The following CARNMT1 variants were observed in gnomAD, a reference collection of about 807,000 sequenced individuals.
CARNMT1 encodes the protein carnosine N-methyltransferase 1, also known as protein-L-histidine N-pros-methyltransferase CARNMT1.
CARNMT1 carries 28 observed loss-of-function variants against 49.6 expected under a neutral mutation model. The ratio of observed to expected loss-of-function variants is 0.56; its 90% confidence interval spans 0.42 to 0.77. The LOEUF (loss-of-function observed/expected upper bound fraction) is 0.77. Ranked by LOEUF, CARNMT1 falls within the 30% of genes least tolerant of loss-of-function variation. The probability of loss-of-function intolerance (pLI) is 0.00; values close to 1 mark genes in which losing one functional copy is unlikely to be tolerated. For synonymous variants in CARNMT1, 178 were observed against 175.0 expected (o/e 1.02, Z -0.13); for missense variants, 421 against 512.6 (o/e 0.82, Z 1.73).
At chr9:75,006,296 C>T (rs1397237588) in intron 3 of CARNMT1, among the ~76,000 whole-genome samples, 2 of 152,148 alleles carry the variant, frequency 1.3e-5, no homozygotes, top group African/African-American at 2.4e-5. Flanking sequence ...AAGTGATCCA[C>T]CCACCTCAGC....
intron 5 of CARNMT1, 28 bp downstream of exon 5, chr9:74,998,570 A>G (rs1564095767): frequency 1.3e-6 from 2 of 1,500,740 alleles, no homozygotes; most frequent in Non-Finnish European, 1.8e-6. Context: ...AAAGGACAAG[A>G]CTTTTTAAAC....
chr9:75,007,602 G>A (rs368136723), intron 3 of CARNMT1, among the ~76,000 whole-genome samples: 21 of 151,770 alleles, frequency 1.4e-4, no homozygotes, highest in East Asian at 7.8e-4. Context: ...GGTGTTGGGC[G>A]CCTGTAATCC....
At chr9:75,016,474 C>T (rs1043682312) in intron 2 of CARNMT1, 43 bp from the exon 3 acceptor site, 1 of 1,590,928 alleles carries the variant, frequency 6.3e-7, no homozygotes, top group East Asian at 2.2e-5. Context: ...AGAGAGTAAT[C>T]CACTTATATT....
intron 1 of CARNMT1, among the ~76,000 whole-genome samples, chr9:75,025,843 G>C (rs1052974074): frequency 5.3e-5 from 8 of 152,222 alleles, no homozygotes; most frequent in African/African-American, 1.7e-4. Context: ...CAGTACAGCA[G>C]ACTCTAGCCA....
intron 3 of CARNMT1, among the ~76,000 whole-genome samples, chr9:75,002,976 A>G (rs997230957): frequency 3.4e-4 from 52 of 152,120 alleles, no homozygotes; most frequent in African/African-American, 1.2e-3. Flanking sequence ...GGGCTCAAGT[A>G]ACCTACCCAC....
intron 3 of CARNMT1, 65 bp downstream of exon 3, chr9:75,016,203 T>C (rs1587298745): frequency 8.0e-7 from 1 of 1,252,812 alleles, no homozygotes; most frequent in East Asian, 2.3e-5. Context: ...CTGTGAAACA[T>C]TTTATCAAGA....
chr9:75,005,506 G>A (rs1010520955), intron 3 of CARNMT1, among the ~76,000 whole-genome samples: 6 of 139,650 alleles, frequency 4.3e-5, no homozygotes, highest in African/African-American at 8.1e-5. Flanking sequence ...ACGGAGTCTC[G>A]CTGTCACCCA....
chr9:75,016,488 G>A, intron 2 of CARNMT1, 57 bp from the exon 3 acceptor site: 1 of 1,550,384 alleles, frequency 6.5e-7, no homozygotes, highest in South Asian at 1.1e-5. Flanking sequence ...TTATATTATG[G>A]TTAAATAGAC....
At chr9:75,002,178 T>C (rs1833378273) in intron 3 of CARNMT1, among the ~76,000 whole-genome samples, 1 of 152,198 alleles carries the variant, frequency 6.6e-6, no homozygotes, top group Admixed American at 6.5e-5. Context: ...AGGCCATAGA[T>C]CACACTTCCA....
Position 74,983,579 on chromosome 9 carries a change from C to T in CARNMT1, c.*188G>A. 1 of 449,908 alleles carries T rather than the reference C, an allele frequency of 2.2e-6. No individual in the cohort carries two copies. The highest frequency in any genetic ancestry group is 2.0e-5 in the African/African-American group (1 of 50,528). 27.9% of individuals were successfully genotyped at this position (449,908 alleles called of 1,614,324 possible). A position where few individuals can be genotyped will look rare whatever the true frequency, so the allele number is the denominator to read the frequency against. On this transcript the variant is annotated 3_prime_UTR_variant, in exon 8 of 8. Transcript: ENST00000376834. ...ACTTGTGTAGTACAAATCTGCATGGCATAGTATATTTCTGAAAAAGCAATA... is the reference window on the plus strand; with the variant it reads ...ACTTGTGTAGTACAAATCTGCATGGTATAGTATATTTCTGAAAAAGCAATA...
In CARNMT1 at chr9:75,017,455, C is replaced by T. The variant is rs1431341775; in HGVS notation, c.231-7G>A. On this transcript the variant is annotated splice_region_variant and splice_polypyrimidine_tract_variant and intron_variant, in intron 1 of 7. Coordinates refer to ENST00000376834, the MANE Select transcript of CARNMT1 (RefSeq NM_152420.3). ...CCGCTCATGCATACTGGTGCTAAAA[C>T]ATAAAAGGTGTTTTTTAAATTCACA... 2 of 1,605,498 alleles carry T rather than the reference C, an allele frequency of 1.2e-6. No individual in the cohort carries two copies. Among genetic ancestry groups the T allele is most frequent in the East Asian group, 4.5e-5 (2 of 44,766 alleles).
intron 6 of CARNMT1, among the ~76,000 whole-genome samples, chr9:74,990,955 C>T (rs1423234987): frequency 6.6e-6 from 1 of 152,056 alleles, no homozygotes; most frequent in Non-Finnish European, 1.5e-5. Context: ...ACACCTAAAA[C>T]ATAAAGATTG....
At chr9:75,009,070 T>G in intron 3 of CARNMT1, among the ~76,000 whole-genome samples, 1 of 150,836 alleles carries the variant, frequency 6.6e-6, no homozygotes, top group South Asian at 2.1e-4. Flanking sequence ...CTTTTTTTTT[T>G]TTTTTTTTTT....
intron 3 of CARNMT1, among the ~76,000 whole-genome samples, chr9:75,007,751 A>AAAAAAAAC (rs1833558343): frequency 6.6e-6 from 1 of 150,618 alleles, no homozygotes; most frequent in African/African-American, 2.4e-5. Context: ...ATAATAAAAA[A>AAAAAAAAC]AAAAAAACTA....
intron 5 of CARNMT1, 92 bp downstream of exon 5, chr9:74,998,506 A>G: frequency 1.9e-6 from 2 of 1,059,472 alleles, no homozygotes; most frequent in Non-Finnish European, 2.6e-6. Flanking sequence ...CTACCATCAA[A>G]ATGAATGATC....
At chr9:74,998,068 G>A (rs1833244623) in intron 5 of CARNMT1, among the ~76,000 whole-genome samples, 1 of 152,104 alleles carries the variant, frequency 6.6e-6, no homozygotes. Flanking sequence ...CCAGGCTGAA[G>A]TCAACTGTGC....
At chr9:74,998,823 A>G in intron 4 of CARNMT1, 47 bp from the exon 5 acceptor site, 1 of 1,201,686 alleles carries the variant, frequency 8.3e-7, no homozygotes. Flanking sequence ...ATATTTTACC[A>G]AGAAAATCCA....
chr9:74,985,913 T>C (rs1453150973), intron 6 of CARNMT1, among the ~76,000 whole-genome samples: 2 of 152,172 alleles, frequency 1.3e-5, no homozygotes, highest in Non-Finnish European at 2.9e-5. Context: ...TAATATGTAT[T>C]ACACCTGTCA....
chr9:74,996,967 C>G (rs1005898630), intron 5 of CARNMT1, among the ~76,000 whole-genome samples: 4 of 152,216 alleles, frequency 2.6e-5, no homozygotes, highest in African/African-American at 9.6e-5. Flanking sequence ...AGACTGCAGG[C>G]ACCAGTTGCC....
Sources: gnomAD v4.1 joint callset for allele counts (sites outside exome capture counted in the v4.1 genomes callset) on GRCh38, gnomAD v4.1.1 for gene constraint, MANE v1.5 for transcripts, NCBI Gene and HGNC (gene_info 2026-07-23, HGNC 2026-07-21) for gene names.